SLC52A3: variants seen among roughly 807,000 people sequenced by gnomAD.
The protein encoded by SLC52A3 is solute carrier family 52 member 3.
Under a neutral mutation model 29.5 loss-of-function variants are expected in SLC52A3, and 20 were observed. That is an observed-to-expected ratio of 0.68 (90% CI 0.48 to 0.99). SLC52A3 has a LOEUF of 0.99. Among genes scored for constraint, SLC52A3 ranks in the 50% least tolerant of loss-of-function variants. The pLI is 0.00. For missense variants in SLC52A3, 548 were observed against 612.9 expected (o/e 0.89, Z 1.12); for synonymous variants, 301 against 271.0 (o/e 1.11, Z -1.09).
chr20:772,611 GT>G (rs1228801898), upstream of SLC52A3, among the ~76,000 whole-genome samples: 47 of 150,298 alleles, frequency 3.1e-4, no homozygotes, highest in African/African-American at 8.3e-4. Context: ...TGTTGTTGTT[GT>G]TTGTTTGTTT....
chr20:776,934 T>C (rs1452953343), upstream of SLC52A3, among the ~76,000 whole-genome samples: 1 of 151,338 alleles, frequency 6.6e-6, no homozygotes, highest in East Asian at 1.9e-4. Context: ...GTGTCAAATC[T>C]GCAAAAAACC....
chr20:761,683 C>T lies in SLC52A3; in HGVS notation c.1197+18G>A, dbSNP rs780649121. 1.7e-5 allele frequency: 28 copies of T among 1,613,286 alleles called. No individual in the cohort carries two copies. The African/African-American group carries it at 2.1e-4, about 12-fold the overall frequency. On this transcript the variant is annotated intron_variant, in intron 4 of 4. Transcript: ENST00000645534. ...GAGGGGTACGCAGCGGGAGCAGCCC[C>T]ACCGGCCGGATACTCACAATGAGGA...
chr20:768,594 A>ATTTC (rs1986761826), upstream of SLC52A3: 1 of 152,166 alleles, frequency 6.6e-6, no homozygotes, highest in Non-Finnish European at 1.5e-5. Flanking sequence ...CAGGGCTGGG[A>ATTTC]CTTCCTTCCT....
chr20:777,484 T>C (rs1156953563), upstream of SLC52A3, among the ~76,000 whole-genome samples: 2 of 152,178 alleles, frequency 1.3e-5, no homozygotes, highest in Non-Finnish European at 2.9e-5. Context: ...TTGCTCACAG[T>C]GCTACGGCCT....
At chr20:761,268 G>A (rs888770923) in intron 4 of SLC52A3, 30 bp from the exon 5 acceptor site, 6 of 1,533,816 alleles carry the variant, frequency 3.9e-6, no homozygotes, top group Non-Finnish European at 5.3e-6. Flanking sequence ...GAGGTGCAGA[G>A]TCACGGGGCT....
intron 1 of SLC52A3, among the ~76,000 whole-genome samples, chr20:775,577 G>A (rs902928218): frequency 7.9e-5 from 12 of 152,206 alleles, no homozygotes; most frequent in Admixed American, 2.0e-4. Flanking sequence ...ATGACACCCA[G>A]CATGGGCCCA....
At chr20:776,132 G>A (rs947648711), upstream of SLC52A3, 5 of 152,244 alleles carry the variant, frequency 3.3e-5, no homozygotes, top group Admixed American at 3.3e-4. Context: ...CTAGGAGGAG[G>A]ATCCAGATGG....
upstream of SLC52A3, among the ~76,000 whole-genome samples, chr20:778,098 C>T (rs370495448): frequency 3.2e-4 from 49 of 151,608 alleles, 3 homozygotes; most frequent in East Asian, 5.2e-3. Context: ...TCACTGCAGC[C>T]TCCGCCTCCC....
At position 761,693 on chromosome 20, in the gene SLC52A3, AT is replaced by A. The variant is rs1320856463; in HGVS notation, c.1197+7del. ...CAGCGGGAGCAGCCCCACCGGCCGGATACTCACAATGAGGACTTCCCCACCC... is the reference window on the plus strand; with the variant it reads ...CAGCGGGAGCAGCCCCACCGGCCGGAACTCACAATGAGGACTTCCCCACCC... On this transcript the variant is annotated splice_region_variant and intron_variant, in intron 4 of 4. Transcript: ENST00000645534. The A allele has an allele frequency of 6.2e-7, 1 of 1,613,524 alleles. No individual in the cohort carries two copies. Among genetic ancestry groups the A allele is most frequent in the Admixed American group, 1.7e-5 (1 of 59,984 alleles).
rs1599959281 is a variant in SLC52A3, at chr20:765,448, C to A, written c.327G>T (p.Leu109Phe). 5 of 1,611,566 alleles carry A rather than the reference C, an allele frequency of 3.1e-6. No homozygotes were observed. Among genetic ancestry groups the A allele is most frequent in the Non-Finnish European group, 4.2e-6 (5 of 1,178,758 alleles). ...CCAGGGCCAGGAAGAAGGTGAGGACCAAGAAGGCGATGCTGTGGTGGCCGT... is the reference window on the plus strand; with the variant it reads ...CCAGGGCCAGGAAGAAGGTGAGGACAAAGAAGGCGATGCTGTGGTGGCCGT... The part of the protein sequence containing the change: ...VLDGHHSIAF[L>F]VLTFFLALVD... The change falls in exon 2 of 5, where the codon TTG (leucine) becomes TTT (phenylalanine). Residue 109 changes from leucine to phenylalanine, a missense_variant. Physicochemically the swap from Leu to Phe is conservative, Grantham distance 22. Around this residue, in one of 2 missense-constraint regions of SLC52A3, gnomAD observed 375 missense variants for 471.1 expected, o/e 0.80. Transcript: ENST00000645534. The surrounding 1 kb of genome is among the most constrained non-coding windows in gnomAD (Gnocchi z 6.6).
At chr20:779,496 G>T (rs1409160478), upstream of SLC52A3, among the ~76,000 whole-genome samples, 1 of 152,186 alleles carries the variant, frequency 6.6e-6, no homozygotes, top group Non-Finnish European at 1.5e-5. Flanking sequence ...GGTGGTGGGT[G>T]CCTGTAATCC....
chr20:761,796 C>T lies in SLC52A3; in HGVS notation c.1102G>A (p.Val368Met), dbSNP rs148181353. 22 of 1,614,080 alleles carry T rather than the reference C, an allele frequency of 1.4e-5. No individual in the cohort carries two copies. Among genetic ancestry groups the T allele is most frequent in the African/African-American group, 9.3e-5 (7 of 74,930 alleles). ...RSLLFLGVLSVLGTCFGGYNM... is the reference protein window; with the variant it reads ...RSLLFLGVLSMLGTCFGGYNM... ...TAGCCCCCAAAGCAGGTCCCAAGCACGGAGAGGACCCCCAGGAACAGCAGA... is the reference window on the plus strand; with the variant it reads ...TAGCCCCCAAAGCAGGTCCCAAGCATGGAGAGGACCCCCAGGAACAGCAGA... The change falls in exon 4 of 5, where the codon GTG (valine) becomes ATG (methionine). Residue 368 changes from valine (V) to methionine (M), a missense_variant. Val to Met is a conservative substitution (Grantham distance 21). Coordinates refer to ENST00000645534, the MANE Select transcript of SLC52A3 (RefSeq NM_033409.4).
upstream of SLC52A3, among the ~76,000 whole-genome samples, chr20:778,709 A>C (rs941004450): frequency 6.6e-6 from 1 of 151,040 alleles, no homozygotes; most frequent in Non-Finnish European, 1.5e-5. Flanking sequence ...TGTGGCTTGC[A>C]GGATGGCCAC....
chr20:769,036 G>A (rs939136535), upstream of SLC52A3, among the ~76,000 whole-genome samples: 1 of 152,208 alleles, frequency 6.6e-6, no homozygotes, highest in Non-Finnish European at 1.5e-5. Flanking sequence ...GTGCATGCAG[G>A]CACATACCTT....
chr20:765,199 G>T lies in SLC52A3; in HGVS notation c.567+9C>A, dbSNP rs1255554506. The T allele has an allele frequency of 6.2e-7, 1 of 1,614,168 alleles. No homozygotes were observed. Among genetic ancestry groups the T allele is most frequent in the East Asian group, 2.2e-5 (1 of 44,894 alleles). On this transcript the variant is annotated intron_variant, in intron 2 of 4. Coordinates refer to ENST00000645534, the MANE Select transcript of SLC52A3 (RefSeq NM_033409.4). The surrounding 1 kb of genome is among the most constrained non-coding windows in gnomAD (Gnocchi z 6.6). ...AAGTGCTGAGATGGCTCCGGGTGAT[G>T]CTGGGTACCTGTGCGATGTCAGTCT...
In SLC52A3 at chr20:763,835, TG is replaced by T; in HGVS notation, c.735del (p.Arg246GlyfsTer43). ...TCTTCCACGGAAGCCTCCCAGCACC[TG>T]GGTTGACGCTGGAGGACAAAGAACG... ...LVAFFVLQRQ[P>X]RCWEASVEDL... On this transcript the variant is annotated frameshift_variant, in exon 3 of 5. Transcript: ENST00000645534. LOFTEE classifies it high-confidence loss of function. 6.2e-7 allele frequency: 1 copy of T among 1,614,052 alleles called. No homozygotes were observed. The highest frequency in any genetic ancestry group is 8.5e-7 in the Non-Finnish European group (1 of 1,179,980).
Position 761,950 on chromosome 20 carries a change from G to T in SLC52A3, c.1074-126C>A, listed in dbSNP as rs1037445190. ...TTTAGACCCATGTGGAAAATTCCAG[G>T]TTGCCTGGCTCAAGTGGGTCAGGGA... On this transcript the variant is annotated intron_variant, in intron 3 of 4. Transcript: ENST00000645534. 28 of 1,453,498 alleles carry T rather than the reference G, an allele frequency of 1.9e-5. No homozygotes were observed. The African/African-American group carries it at 3.6e-4, about 19-fold the overall frequency. The allele number at this position is 1,453,498 out of a possible 1,614,324, so 90.0% of individuals were successfully genotyped here.
chr20:770,912 G>T (rs1041243737), upstream of SLC52A3, among the ~76,000 whole-genome samples: 1 of 152,186 alleles, frequency 6.6e-6, no homozygotes, highest in African/African-American at 2.4e-5. This position sits in a 1 kb window ranked among gnomAD's most constrained non-coding sequence, Gnocchi z 4.5. Flanking sequence ...GGAATCAGAT[G>T]TGATGGCCAG....
chr20:777,282 AC>A (rs1443093556), upstream of SLC52A3, among the ~76,000 whole-genome samples: 3 of 151,186 alleles, frequency 2.0e-5, 1 homozygote, highest in East Asian at 5.8e-4. Context: ...CAAAAAAAAA[AC>A]ACCAACTGGA....
Sources: gnomAD v4.1 joint callset for allele counts (sites outside exome capture counted in the v4.1 genomes callset) on GRCh38, gnomAD v4.1.1 for gene constraint, gnomAD v4.1.1 regional missense constraint, Gnocchi (gnomAD v3.1) non-coding constraint, MANE v1.5 for transcripts, NCBI Gene and HGNC (gene_info 2026-07-23, HGNC 2026-07-21) for gene names.